Variants in THSD7B observed in about 807,000 individuals in gnomAD.
THSD7B encodes the protein thrombospondin type-1 domain-containing protein 7B.
THSD7B carries 138 observed loss-of-function variants against 213.6 expected under a neutral mutation model. The observed-to-expected ratio is 0.65, with a 90% CI of 0.56 to 0.74. The LOEUF is 0.74. Among genes scored for constraint, THSD7B ranks in the 30% least tolerant of loss-of-function variants. The pLI is 0.00. For synonymous variants in THSD7B, 742 were observed against 687.0 expected (o/e 1.08, Z -1.25); for missense variants, 1,931 against 1,991.5 (o/e 0.97, Z 0.58).
chr2:136,920,335 T>C (rs909358414), intron 2 of THSD7B, among the ~76,000 whole-genome samples: 1 of 152,170 alleles, frequency 6.6e-6, no homozygotes, highest in African/African-American at 2.4e-5. Flanking sequence ...GGAGGAGACC[T>C]GTAGTCGGTA....
intron 14 of THSD7B, among the ~76,000 whole-genome samples, chr2:137,427,793 A>G (rs1222343148): frequency 6.6e-6 from 1 of 152,172 alleles, no homozygotes; most frequent in African/African-American, 2.4e-5. Context: ...AGTTAATAAT[A>G]GTATATACTT....
chr2:137,615,490 A>C (rs1443808334), intron 17 of THSD7B, among the ~76,000 whole-genome samples: 3 of 152,180 alleles, frequency 2.0e-5, no homozygotes, highest in African/African-American at 7.2e-5. Flanking sequence ...AGGCCGGTTG[A>C]CCTGGGTCAA....
intron 6 of THSD7B, among the ~76,000 whole-genome samples, chr2:137,165,437 T>C (rs1007514888): frequency 7.9e-5 from 12 of 152,174 alleles, no homozygotes; most frequent in African/African-American, 2.4e-4. Flanking sequence ...CATGTTATGA[T>C]GACAGCAAGT....
chr2:137,184,864 A>G (rs1680521298), intron 7 of THSD7B, among the ~76,000 whole-genome samples: 1 of 152,172 alleles, frequency 6.6e-6, no homozygotes, highest in South Asian at 2.1e-4. Context: ...AAGTGATAAT[A>G]GGCATTTGGG....
At chr2:137,152,571 G>GT (rs1338475490) in intron 5 of THSD7B, among the ~76,000 whole-genome samples, 1 of 152,192 alleles carries the variant, frequency 6.6e-6, no homozygotes, top group Non-Finnish European at 1.5e-5. Flanking sequence ...GTTGTGATGA[G>GT]TAAATGAGAA....
chr2:136,866,998 C>T (rs561482594), intron 1 of THSD7B, among the ~76,000 whole-genome samples: 8 of 151,860 alleles, frequency 5.3e-5, no homozygotes, highest in African/African-American at 1.9e-4. Context: ...ATAGAATGTA[C>T]CTTGCTTTAC....
At chr2:137,126,177 C>G (rs1433878717) in intron 5 of THSD7B, among the ~76,000 whole-genome samples, 1 of 152,108 alleles carries the variant, frequency 6.6e-6, no homozygotes, top group East Asian at 1.9e-4. Flanking sequence ...AAGAGTCAGC[C>G]TATCTTTTAA....
intron 18 of THSD7B, among the ~76,000 whole-genome samples, chr2:137,618,011 A>G (rs1682440271): frequency 6.6e-6 from 1 of 152,220 alleles, no homozygotes; most frequent in South Asian, 2.1e-4. Context: ...CATCTGGAGC[A>G]TAGCAACTGG....
At chr2:136,841,300 T>G (rs1390756567) in intron 1 of THSD7B, among the ~76,000 whole-genome samples, 1 of 151,960 alleles carries the variant, frequency 6.6e-6, no homozygotes, top group Non-Finnish European at 1.5e-5. Flanking sequence ...ACATTTGTTA[T>G]GGAAATGAAA....
intron 2 of THSD7B, among the ~76,000 whole-genome samples, chr2:136,898,560 T>G (rs1684004638): frequency 7.6e-6 from 1 of 132,436 alleles, no homozygotes; most frequent in Non-Finnish European, 1.8e-5. Flanking sequence ...AAATTCTATT[T>G]AGCTCCCCTT....
intron 12 of THSD7B, among the ~76,000 whole-genome samples, chr2:137,355,986 A>G (rs1307939129): frequency 3.3e-5 from 5 of 152,154 alleles, no homozygotes; most frequent in Admixed American, 2.6e-4. Context: ...AGTCATGGAG[A>G]GAGTAGGCAT....
intron 12 of THSD7B, among the ~76,000 whole-genome samples, chr2:137,362,678 T>A (rs905634761): frequency 6.6e-5 from 10 of 152,076 alleles, no homozygotes; most frequent in Non-Finnish European, 1.2e-4. Context: ...TTCAACAAGA[T>A]GAGCTAACTA....
chr2:136,794,604 A>AC (rs965105544), intron 1 of THSD7B, among the ~76,000 whole-genome samples: 5 of 151,892 alleles, frequency 3.3e-5, no homozygotes, highest in African/African-American at 1.2e-4. Flanking sequence ...TTGCTTTATG[A>AC]CCAAATGCAT....
At position 136,881,414 on chromosome 2, in the gene THSD7B, AT is replaced by A. The variant is rs1443088847; in HGVS notation, c.-35-728del. ...ACACAGAGACTGTGGAGTCCATAGA[AT>A]TGATGAGGCCTTCAGTGGGTGAGGA... On this transcript the variant is annotated intron_variant, in intron 1 of 27. Coordinates refer to ENST00000409968, the MANE Select transcript of THSD7B (RefSeq NM_001316349.2). 2.6e-5 allele frequency among the ~76,000 whole-genome samples: 4 copies of A among 152,292 alleles called. No individual in the cohort carries two copies. In the South Asian group the frequency reaches 8.3e-4, roughly 32 times the overall value.
intron 7 of THSD7B, among the ~76,000 whole-genome samples, chr2:137,189,109 C>T (rs2105012818): frequency 6.6e-6 from 1 of 152,126 alleles, no homozygotes; most frequent in South Asian, 2.1e-4. Context: ...CAGCCAATTC[C>T]CATCTCATCT....
chr2:137,378,309 A>G (rs1276453165), intron 12 of THSD7B, among the ~76,000 whole-genome samples: 1 of 152,172 alleles, frequency 6.6e-6, no homozygotes, highest in African/African-American at 2.4e-5. Flanking sequence ...AGACTTAAAG[A>G]GGCAATCTAA....
intron 12 of THSD7B, among the ~76,000 whole-genome samples, chr2:137,359,847 A>G (rs888305718): frequency 6.6e-6 from 1 of 152,172 alleles, no homozygotes; most frequent in African/African-American, 2.4e-5. Flanking sequence ...CAGTCCGCCA[A>G]CCCCACATTC....
At position 137,045,671 on chromosome 2, in the gene THSD7B, G is replaced by T. The variant is rs953806255; in HGVS notation, c.140-10749G>T. Among the ~76,000 whole-genome samples, 4 of 152,270 alleles carry T rather than the reference G, an allele frequency of 2.6e-5. 1 individual carries two copies. Among genetic ancestry groups the T allele is most frequent in the South Asian group, 4.1e-4 (2 of 4,820 alleles). On this transcript the variant is annotated intron_variant, in intron 2 of 27. Transcript: ENST00000409968. ...TTTATTTACATTCTTCAAGGAAAAA[G>T]ATAATATTTTACTTGTTGAGTGAGA...
chr2:137,468,932 C>T (rs1048825605), intron 15 of THSD7B, among the ~76,000 whole-genome samples: 1 of 152,014 alleles, frequency 6.6e-6, no homozygotes, highest in Non-Finnish European at 1.5e-5. Context: ...AGAGATTGGA[C>T]CTTTTTATTG....
Sources: gnomAD v4.1 joint callset for allele counts (sites outside exome capture counted in the v4.1 genomes callset) on GRCh38, gnomAD v4.1.1 for gene constraint, MANE v1.5 for transcripts, NCBI Gene and HGNC (gene_info 2026-07-23, HGNC 2026-07-21) for gene names.